The following SSBP2 variants were observed in gnomAD, a reference collection of about 807,000 sequenced individuals.
SSBP2 encodes single stranded DNA binding protein 2.
In SSBP2, 17 loss-of-function variants were observed where a neutral mutation model predicts 61.8. That is an observed-to-expected ratio of 0.28 (90% CI 0.19 to 0.41). SSBP2 has a LOEUF of 0.41. SSBP2 is among the 10% of genes least tolerant of loss of function. The probability of loss-of-function intolerance (pLI) is 1.00; values close to 1 mark genes in which losing one functional copy is unlikely to be tolerated. For synonymous variants in SSBP2, 139 were observed against 141.3 expected, an observed-to-expected ratio of 0.98 and a Z score of 0.12; for missense variants, 310 against 458.7, an observed-to-expected ratio of 0.68 and a Z score of 2.96.
intron 4 of SSBP2, among the ~76,000 whole-genome samples, chr5:81,603,164 GATA>G (rs1412258174): frequency 6.6e-6 from 1 of 152,216 alleles, no homozygotes; most frequent in Non-Finnish European, 1.5e-5. Context: ...AATGAATGGA[GATA>G]ATAATGACTG....
chr5:81,493,776 A>G (rs1265996806), intron 5 of SSBP2, among the ~76,000 whole-genome samples: 3 of 151,708 alleles, frequency 2.0e-5, no homozygotes, highest in Non-Finnish European at 4.4e-5. Flanking sequence ...ATAAAATAAA[A>G]TTGTAGAGAT....
At position 81,418,594 on chromosome 5, in the gene SSBP2, T is replaced by C. The variant is rs777430771; in HGVS notation, c.*1910A>G. The C allele has an allele frequency of 1.3e-5, 2 of 152,182 alleles. No homozygotes were observed. The highest frequency in any genetic ancestry group is 2.9e-5 in the Non-Finnish European group (2 of 68,034). 9.4% of individuals were successfully genotyped at this position (152,182 alleles called of 1,614,324 possible). ...CAATATTGTCCTTGTCTGAACATCA[T>C]AGAGTGTACTTACACAAACCTAGAT... On this transcript the variant is annotated 3_prime_UTR_variant, in exon 17 of 17. Coordinates refer to ENST00000320672, the MANE Select transcript of SSBP2 (RefSeq NM_012446.5).
chr5:81,685,087 G>A (rs1198046824), intron 1 of SSBP2, among the ~76,000 whole-genome samples: 8 of 151,748 alleles, frequency 5.3e-5, no homozygotes, highest in South Asian at 2.1e-4. Context: ...CCCTTCACTC[G>A]CTCTCTCTCT....
intron 1 of SSBP2, among the ~76,000 whole-genome samples, chr5:81,747,031 G>C (rs555437761): frequency 6.6e-5 from 9 of 136,818 alleles, no homozygotes; most frequent in African/African-American, 2.4e-4. Context: ...CTGGGGGGGG[G>C]GGGAATCTGA....
At position 81,674,562 on chromosome 5, in the gene SSBP2, A is replaced by G. The variant is rs531374528; in HGVS notation, c.63-24223T>C. 7.4e-4 allele frequency among the ~76,000 whole-genome samples: 113 copies of G among 152,274 alleles called. 1 individual carries two copies. Among genetic ancestry groups the G allele is most frequent in the African/African-American group, 2.7e-3 (111 of 41,568 alleles). On this transcript the variant is annotated intron_variant, in intron 1 of 16. Transcript: ENST00000320672. ...ACAGTAAGAGGTATATCAGTATAAA[A>G]CTTTTCTCTAAAATATTATGCAATT...
chr5:81,726,074 C>T (rs777583025), intron 1 of SSBP2, among the ~76,000 whole-genome samples: 12 of 151,986 alleles, frequency 7.9e-5, no homozygotes, highest in Admixed American at 2.0e-4. Context: ...TTCAAAAAAA[C>T]ATTAGTACGA....
intron 4 of SSBP2, among the ~76,000 whole-genome samples, chr5:81,563,649 C>T (rs773772425): frequency 7.2e-5 from 11 of 151,962 alleles, no homozygotes; most frequent in African/African-American, 2.2e-4. Flanking sequence ...CAAGAATATA[C>T]AATAGGGAAA....
At chr5:81,591,718 A>G (rs911484645) in intron 4 of SSBP2, among the ~76,000 whole-genome samples, 5 of 152,340 alleles carry the variant, frequency 3.3e-5, no homozygotes, top group Middle Eastern at 3.4e-3. Flanking sequence ...ATAGATTGAA[A>G]AAAAGTACTC....
intron 1 of SSBP2, among the ~76,000 whole-genome samples, chr5:81,733,300 C>A (rs182654231): frequency 1.8e-3 from 271 of 152,082 alleles, no homozygotes; most frequent in African/African-American, 6.3e-3. Context: ...GAGAACTAAT[C>A]ATACAGTAAT....
chr5:81,642,670 C>A (rs6897943), intron 2 of SSBP2, among the ~76,000 whole-genome samples: 23,298 of 152,028 alleles, frequency 0.15, 2,680 homozygotes, highest in African/African-American at 0.32. Flanking sequence ...TTGAAAGAGA[C>A]TGGAAACACC....
At chr5:81,523,481 T>A (rs1174706012) in intron 4 of SSBP2, among the ~76,000 whole-genome samples, 1 of 152,042 alleles carries the variant, frequency 6.6e-6, no homozygotes, top group Non-Finnish European at 1.5e-5. Flanking sequence ...GTAGGTGCCT[T>A]CTATGTGCCT....
intron 4 of SSBP2, among the ~76,000 whole-genome samples, chr5:81,614,465 A>G (rs1024872309): frequency 6.6e-6 from 1 of 151,392 alleles, no homozygotes; most frequent in Non-Finnish European, 1.5e-5. Flanking sequence ...TTTGGAGGGT[A>G]TAATTCTTCT....
intron 5 of SSBP2, among the ~76,000 whole-genome samples, chr5:81,510,476 G>C (rs1257021616): frequency 6.6e-6 from 1 of 151,994 alleles, no homozygotes; most frequent in Non-Finnish European, 1.5e-5. Context: ...ATTTTACTTG[G>C]AGTAGGCTGG....
At chr5:81,563,392 AT>A (rs949260681) in intron 4 of SSBP2, among the ~76,000 whole-genome samples, 170 of 152,312 alleles carry the variant, frequency 1.1e-3, no homozygotes, top group African/African-American at 4.0e-3. Flanking sequence ...GTAAAAAAAA[AT>A]TCTAAAGGTT....
chr5:81,559,126 G>A (rs904391987), intron 4 of SSBP2, among the ~76,000 whole-genome samples: 3 of 152,034 alleles, frequency 2.0e-5, no homozygotes, highest in South Asian at 4.1e-4. Flanking sequence ...CGGTGCTCAC[G>A]CCTGTAATCC....
intron 3 of SSBP2, among the ~76,000 whole-genome samples, chr5:81,615,895 C>T (rs1003853768): frequency 1.2e-4 from 19 of 152,136 alleles, no homozygotes; most frequent in South Asian, 4.1e-4. Context: ...AGAATAGAAA[C>T]AGTAAATAAT....
At chr5:81,449,284 T>C (rs1191431921) in intron 10 of SSBP2, among the ~76,000 whole-genome samples, 2 of 152,204 alleles carry the variant, frequency 1.3e-5, no homozygotes, top group South Asian at 2.1e-4. Flanking sequence ...AAACTCCCTT[T>C]TTCTCTTCAA....
chr5:81,414,175 A>G lies in SSBP2; in HGVS notation c.*6329T>C, dbSNP rs1211142389. On this transcript the variant is annotated 3_prime_UTR_variant, in exon 17 of 17. Coordinates refer to ENST00000320672, the MANE Select transcript of SSBP2 (RefSeq NM_012446.5). ...CAAAATGAGTCCAACCTTTATTCTGATAATAGCCAGTAAATTTGCAAAGAG... is the reference window on the plus strand; with the variant it reads ...CAAAATGAGTCCAACCTTTATTCTGGTAATAGCCAGTAAATTTGCAAAGAG... The G allele has an allele frequency of 6.6e-6, 1 of 152,158 alleles. No homozygotes were observed. The highest frequency in any genetic ancestry group is 2.4e-5 in the African/African-American group (1 of 41,458). 9.4% of individuals were successfully genotyped at this position (152,158 alleles called of 1,614,324 possible).
chr5:81,632,251 T>C (rs1747799323), intron 3 of SSBP2, among the ~76,000 whole-genome samples: 1 of 152,214 alleles, frequency 6.6e-6, no homozygotes, highest in African/African-American at 2.4e-5. Flanking sequence ...TTTACAACGC[T>C]TCCTTTTATT....
Sources: allele counts gnomAD v4.1 joint callset (sites outside exome capture counted in the v4.1 genomes callset), GRCh38; gene constraint gnomAD v4.1.1; transcripts MANE v1.5; gene names NCBI Gene and HGNC (gene_info 2026-07-23, HGNC 2026-07-21).